DNM3: variants seen among roughly 807,000 people sequenced by gnomAD.
DNM3 encodes dynamin-3.
Under a neutral mutation model 101.6 loss-of-function variants are expected in DNM3, and 47 were observed. The observed-to-expected ratio is 0.46, with a 90% CI of 0.37 to 0.59. The LOEUF is 0.59. Ranked by LOEUF, DNM3 falls within the 20% of genes least tolerant of loss-of-function variation. The pLI is 0.00. For synonymous variants in DNM3, 385 were observed against 387.9 expected (o/e 0.99, Z 0.09); for missense variants, 849 against 1,085.7 (o/e 0.78, Z 3.06).
chr1:171,870,859 G>T (rs530494570), intron 1 of DNM3, among the ~76,000 whole-genome samples: 6 of 152,308 alleles, frequency 3.9e-5, no homozygotes, highest in Non-Finnish European at 8.8e-5. Context: ...AAGAGTTTAT[G>T]AAAGAAGTAT....
chr1:172,293,618 C>G (rs1216700085), intron 15 of DNM3, among the ~76,000 whole-genome samples: 2 of 152,152 alleles, frequency 1.3e-5, no homozygotes, highest in African/African-American at 2.4e-5. Flanking sequence ...ATTTATGAGA[C>G]TTCCAGTAAA....
intron 1 of DNM3, among the ~76,000 whole-genome samples, chr1:171,909,762 T>C (rs577458790): frequency 1.3e-5 from 2 of 152,360 alleles, no homozygotes; most frequent in African/African-American, 2.4e-5. Context: ...TTGGTTTTGT[T>C]ACTTGAAATT....
At chr1:172,058,275 A>C (rs1305317268) in intron 10 of DNM3, among the ~76,000 whole-genome samples, 8 of 151,968 alleles carry the variant, frequency 5.3e-5, no homozygotes, top group Non-Finnish European at 1.2e-4. Context: ...TGTCAACATT[A>C]GACAGATCAA....
At chr1:171,882,343 CA>C (rs3051601) in intron 1 of DNM3, among the ~76,000 whole-genome samples, 51 of 110,454 alleles carry the variant, frequency 4.6e-4, no homozygotes, top group Admixed American at 1.1e-3. Context: ...AACTCCGTCT[CA>C]AAAAAAAAAA....
chr1:172,120,668 A>T (rs191343903), intron 13 of DNM3, among the ~76,000 whole-genome samples: 1 of 152,312 alleles, frequency 6.6e-6, no homozygotes, highest in East Asian at 1.9e-4. Context: ...TTTCAGCTCA[A>T]GTGCTGAATA....
intron 4 of DNM3, among the ~76,000 whole-genome samples, chr1:172,001,247 C>T (rs551293044): frequency 2.0e-4 from 31 of 152,098 alleles, no homozygotes; most frequent in African/African-American, 5.3e-4. Context: ...TCTGCCTATC[C>T]TGGTAAGTTC....
chr1:171,868,526 T>C (rs964365929), intron 1 of DNM3, among the ~76,000 whole-genome samples: 6 of 152,190 alleles, frequency 3.9e-5, no homozygotes, highest in Non-Finnish European at 8.8e-5. Flanking sequence ...CTATTTGAAA[T>C]GTTCAAACCA....
intron 14 of DNM3, among the ~76,000 whole-genome samples, chr1:172,190,635 G>A (rs1351657213): frequency 6.6e-6 from 1 of 152,156 alleles, no homozygotes; most frequent in Non-Finnish European, 1.5e-5. Context: ...CCCACCAACA[G>A]TATAAAAGTG....
rs116602736 is a variant in DNM3 at position 172,353,634 on chromosome 1, T to C, written c.1894-25384T>C. Among the ~76,000 whole-genome samples, 230 of 152,274 alleles carry C rather than the reference T, an allele frequency of 1.5e-3. 1 individual carries two copies. Among genetic ancestry groups the C allele is most frequent in the African/African-American group, 5.4e-3 (223 of 41,562 alleles). On this transcript the variant is annotated intron_variant, in intron 17 of 20. Coordinates refer to ENST00000627582, the MANE Select transcript of DNM3 (RefSeq NM_015569.5). The stretch of plus-strand genomic sequence containing the variant: ...GATTTGTGCTTATTGATTACTGAAC[T>C]TAGAGCTCGGAAACTTGAATTTTCA...
At chr1:171,963,356 G>T (rs2043342104) in intron 2 of DNM3, among the ~76,000 whole-genome samples, 1 of 152,152 alleles carries the variant, frequency 6.6e-6, no homozygotes, top group Admixed American at 6.6e-5. Flanking sequence ...AAGATCAGTG[G>T]TTGCCTGGGG....
intron 14 of DNM3, 38 bp downstream of exon 14, chr1:172,131,326 T>C: frequency 6.4e-7 from 1 of 1,561,158 alleles, no homozygotes; most frequent in East Asian, 2.3e-5. Flanking sequence ...CTTGTTAAAG[T>C]ATTTCTCATT....
intron 1 of DNM3, among the ~76,000 whole-genome samples, chr1:171,909,191 A>T (rs1436887771): frequency 6.6e-6 from 1 of 152,202 alleles, no homozygotes; most frequent in African/African-American, 2.4e-5. Context: ...CTGTAATGTC[A>T]GCACTTTGGG....
At chr1:171,956,058 A>C (rs1290779563) in intron 2 of DNM3, among the ~76,000 whole-genome samples, 1 of 152,164 alleles carries the variant, frequency 6.6e-6, no homozygotes, top group Non-Finnish European at 1.5e-5. Context: ...GCTACAATTC[A>C]AGATGAGATT....
At chr1:172,109,940 T>G (rs929494858) in intron 13 of DNM3, among the ~76,000 whole-genome samples, 1 of 152,208 alleles carries the variant, frequency 6.6e-6, no homozygotes, top group African/African-American at 2.4e-5. Flanking sequence ...GCTCCAACAC[T>G]CTACCCTGAG....
intron 2 of DNM3, among the ~76,000 whole-genome samples, chr1:171,979,459 C>T (rs143323261): frequency 4.9e-4 from 74 of 152,108 alleles, no homozygotes; most frequent in Admixed American, 1.0e-3. Flanking sequence ...TTGTGTTTTA[C>T]GTGGAAATAA....
chr1:172,245,434 G>T (rs975861099), intron 14 of DNM3, among the ~76,000 whole-genome samples: 2 of 152,190 alleles, frequency 1.3e-5, no homozygotes, highest in African/African-American at 4.8e-5. Flanking sequence ...AAGCACAAGG[G>T]ATCAGATGGG....
intron 9 of DNM3, among the ~76,000 whole-genome samples, chr1:172,048,191 T>C (rs2049954132): frequency 6.6e-6 from 1 of 152,192 alleles, no homozygotes; most frequent in Non-Finnish European, 1.5e-5. Context: ...ATACTCCCAG[T>C]ACCCCAGGCC....
intron 16 of DNM3, among the ~76,000 whole-genome samples, chr1:172,315,191 A>G (rs537885314): frequency 0.031 from 4,711 of 152,244 alleles, 233 homozygotes; most frequent in African/African-American, 0.11. Context: ...CTGTCTGTTA[A>G]AAGGAAAACT....
In DNM3 at chr1:171,935,945, A is replaced by G. The variant is rs372244698; in HGVS notation, c.235+14124A>G. Reference sequence around the variant, plus strand: ...GGTAATTTGATGAACTCCTGAGCACATTTAACGTATTACAGTGTTGCTAAT... The same window carrying G: ...GGTAATTTGATGAACTCCTGAGCACGTTTAACGTATTACAGTGTTGCTAAT... On this transcript the variant is annotated intron_variant, in intron 2 of 20. Coordinates refer to ENST00000627582, the MANE Select transcript of DNM3 (RefSeq NM_015569.5). 2.4e-3 allele frequency among the ~76,000 whole-genome samples: 366 copies of G among 151,926 alleles called. 2 individuals carry two copies. Among genetic ancestry groups the G allele is most frequent in the African/African-American group, 8.2e-3 (342 of 41,474 alleles).
Sources: allele counts gnomAD v4.1 joint callset (sites outside exome capture counted in the v4.1 genomes callset), GRCh38; gene constraint gnomAD v4.1.1; transcripts MANE v1.5; gene names NCBI Gene and HGNC (gene_info 2026-07-23, HGNC 2026-07-21).